Variants in ADGRA3 observed in about 807,000 individuals in gnomAD.
ADGRA3 encodes the protein adhesion G protein-coupled receptor A3, also known as G-protein coupled receptor 125.
Under a neutral mutation model 119.8 loss-of-function variants are expected in ADGRA3, and 56 were observed. That is an observed-to-expected ratio of 0.47 (90% CI 0.38 to 0.58). The LOEUF is 0.58. Among genes scored for constraint, ADGRA3 ranks in the 20% least tolerant of loss-of-function variants. The probability of loss-of-function intolerance (pLI) is 0.00; values close to 1 mark genes in which losing one functional copy is unlikely to be tolerated. For missense variants in ADGRA3, 1,516 were observed against 1,649.0 expected (o/e 0.92, Z 1.40); for synonymous variants, 607 against 623.8 (o/e 0.97, Z 0.40).
At chr4:22,389,975 C>T (rs1044242034) in intron 17 of ADGRA3, among the ~76,000 whole-genome samples, 2 of 152,126 alleles carry the variant, frequency 1.3e-5, no homozygotes, top group Admixed American at 1.3e-4. Context: ...ATCTCTGATA[C>T]ATTTGTCCAT....
intron 2 of ADGRA3, among the ~76,000 whole-genome samples, chr4:22,463,593 T>C (rs1170282040): frequency 1.3e-5 from 2 of 152,190 alleles, no homozygotes; most frequent in African/African-American, 4.8e-5. Context: ...TTTTCTTCCA[T>C]CCAATCACAG....
intron 10 of ADGRA3, among the ~76,000 whole-genome samples, chr4:22,426,417 G>T (rs551712224): frequency 1.4e-4 from 22 of 152,128 alleles, no homozygotes; most frequent in Non-Finnish European, 2.9e-4. Context: ...TGATGCAGAA[G>T]CCAACAGTTA....
chr4:22,434,691 G>C (rs181499959), intron 10 of ADGRA3, among the ~76,000 whole-genome samples: 26 of 152,192 alleles, frequency 1.7e-4, no homozygotes, highest in African/African-American at 5.1e-4. Flanking sequence ...ACATTAATTT[G>C]CTGCTCATTC....
chr4:22,451,761 A>G (rs1717052414), intron 4 of ADGRA3, among the ~76,000 whole-genome samples: 1 of 152,222 alleles, frequency 6.6e-6, no homozygotes, highest in Non-Finnish European at 1.5e-5. Context: ...TTACCAGAGG[A>G]AACGGCTAGA....
intron 3 of ADGRA3, 37 bp from the exon 4 acceptor site, chr4:22,454,974 C>A: frequency 2.7e-6 from 4 of 1,479,632 alleles, no homozygotes; most frequent in Non-Finnish European, 3.8e-6. Flanking sequence ...TCAATTAGTT[C>A]TCTTGGTTAA....
chr4:22,515,732 G>T lies in ADGRA3; in HGVS notation c.53C>A (p.Pro18Gln). 9.6e-7 allele frequency: 1 copy of T among 1,047,032 alleles called. No homozygotes were observed. The allele number at this position is 1,047,032 out of a possible 1,614,324, so 64.9% of individuals were successfully genotyped here. The change falls in exon 1 of 19, where the codon CCG (proline) becomes CAG (glutamine). Residue 18 changes from proline (P) to glutamine (Q), a missense_variant. Around this residue, in one of 2 missense-constraint regions of ADGRA3, gnomAD observed 428 missense variants for 541.9 expected, o/e 0.79. Coordinates refer to ENST00000334304, the MANE Select transcript of ADGRA3 (RefSeq NM_145290.4). ...CGCGAGCAGCGCTAACAGCGAGAGCGGCAGCAACAGCGGCGGCTGCGCGCG... is the reference window on the plus strand; with the variant it reads ...CGCGAGCAGCGCTAACAGCGAGAGCTGCAGCAACAGCGGCGGCTGCGCGCG... ...RGRAQPPLLL[P>Q]LSLLALLALL...
At chr4:22,504,735 C>T (rs1719178874) in intron 1 of ADGRA3, among the ~76,000 whole-genome samples, 1 of 151,910 alleles carries the variant, frequency 6.6e-6, no homozygotes, top group African/African-American at 2.4e-5. Context: ...ACTCTTTCTT[C>T]TACCTTCTTT....
intron 8 of ADGRA3, 105 bp from the exon 9 acceptor site, chr4:22,436,746 T>C: frequency 1.1e-6 from 1 of 944,850 alleles, no homozygotes; most frequent in Non-Finnish European, 1.6e-6. Flanking sequence ...GTCATGTCAA[T>C]ACAACCCTGA....
At position 22,461,812 on chromosome 4, in the gene ADGRA3, TTAAAAA is replaced by T. The variant is rs751223102; in HGVS notation, c.330-10_330-5del. On this transcript the variant is annotated splice_region_variant and splice_polypyrimidine_tract_variant and intron_variant, in intron 2 of 18. Coordinates refer to ENST00000334304, the MANE Select transcript of ADGRA3 (RefSeq NM_145290.4). ...AATAAGATTGTTTCGGAGGTCCCTGTTAAAAATAAAATAAAAGTTATTCACATATCA... is the reference window on the plus strand; with the variant it reads ...AATAAGATTGTTTCGGAGGTCCCTGTTAAAATAAAAGTTATTCACATATCA... 3.8e-6 allele frequency: 6 copies of T among 1,594,068 alleles called. No homozygotes were observed. The African/African-American group carries it at 8.1e-5, about 21-fold the overall frequency.
At chr4:22,407,713 A>T (rs995556745) in intron 14 of ADGRA3, among the ~76,000 whole-genome samples, 1 of 152,234 alleles carries the variant, frequency 6.6e-6, no homozygotes, top group Non-Finnish European at 1.5e-5. Context: ...GTGTTAAAAA[A>T]TCACAAAGAT....
At chr4:22,432,327 G>A (rs912924600) in intron 10 of ADGRA3, among the ~76,000 whole-genome samples, 33 of 152,174 alleles carry the variant, frequency 2.2e-4, no homozygotes, top group African/African-American at 6.3e-4. Context: ...CAATCACTGC[G>A]TATAACAAAT....
At chr4:22,499,100 T>G (rs1317461407) in intron 1 of ADGRA3, among the ~76,000 whole-genome samples, 1 of 152,156 alleles carries the variant, frequency 6.6e-6, no homozygotes, top group Non-Finnish European at 1.5e-5. Flanking sequence ...TAAGTACAAG[T>G]AGCCCCAATG....
At chr4:22,389,211 A>C in intron 17 of ADGRA3, 28 bp from the exon 18 acceptor site, 1 of 1,438,966 alleles carries the variant, frequency 6.9e-7, no homozygotes, top group Non-Finnish European at 9.8e-7. Context: ...AGGAAAAACC[A>C]CTCATCATTC....
At chr4:22,460,409 T>G (rs1365722031) in intron 3 of ADGRA3, among the ~76,000 whole-genome samples, 1 of 152,104 alleles carries the variant, frequency 6.6e-6, no homozygotes, top group East Asian at 1.9e-4. Context: ...GTGTCCCTCC[T>G]CCCCTCTCCA....
intron 3 of ADGRA3, among the ~76,000 whole-genome samples, chr4:22,460,244 A>C (rs1346353808): frequency 6.6e-6 from 1 of 152,194 alleles, no homozygotes; most frequent in Non-Finnish European, 1.5e-5. Context: ...ACGTATTTTC[A>C]CTAACGACTG....
At chr4:22,442,407 A>G (rs549703400) in intron 7 of ADGRA3, among the ~76,000 whole-genome samples, 4 of 152,282 alleles carry the variant, frequency 2.6e-5, no homozygotes, top group Admixed American at 6.5e-5. Context: ...AAAAACTTTA[A>G]AAAAGTCTTC....
intron 2 of ADGRA3, among the ~76,000 whole-genome samples, chr4:22,462,818 C>A (rs900301192): frequency 1.3e-5 from 2 of 152,220 alleles, no homozygotes; most frequent in Non-Finnish European, 2.9e-5. Context: ...AATGTCTCAG[C>A]CACATCCCTC....
chr4:22,427,460 A>T (rs1488773793), intron 10 of ADGRA3, among the ~76,000 whole-genome samples: 1 of 149,758 alleles, frequency 6.7e-6, no homozygotes, highest in Admixed American at 6.6e-5. Flanking sequence ...GTTAATAATT[A>T]TAAAAAAAAA....
chr4:22,497,051 C>A (rs536700839), intron 1 of ADGRA3, among the ~76,000 whole-genome samples: 1 of 152,332 alleles, frequency 6.6e-6, no homozygotes, highest in Non-Finnish European at 1.5e-5. Context: ...ACTTTTATAA[C>A]TTTTGGGGCG....
Sources: allele counts gnomAD v4.1 joint callset (sites outside exome capture counted in the v4.1 genomes callset), GRCh38; gene constraint gnomAD v4.1.1; regional missense constraint gnomAD v4.1.1; transcripts MANE v1.5; gene names NCBI Gene and HGNC (gene_info 2026-07-23, HGNC 2026-07-21).